Variants in YIPF4 observed in about 807,000 individuals in gnomAD.
YIPF4 encodes the protein Yip1 domain family member 4, also known as protein YIPF4.
Under a neutral mutation model 29.4 loss-of-function variants are expected in YIPF4, and 18 were observed. The observed-to-expected ratio is 0.61, with a 90% CI of 0.42 to 0.91. The LOEUF is 0.91. Ranked by LOEUF, YIPF4 falls within the 40% of genes least tolerant of loss-of-function variation. YIPF4 has a pLI of 0.00. For synonymous variants in YIPF4, 115 were observed against 104.7 expected, an observed-to-expected ratio of 1.10 and a Z score of -0.60; for missense variants, 279 against 282.7, an observed-to-expected ratio of 0.99 and a Z score of 0.09.
intron 1 of YIPF4, among the ~76,000 whole-genome samples, chr2:32,279,678 G>C (rs1039991592): frequency 1.5e-4 from 22 of 151,412 alleles, no homozygotes; most frequent in Non-Finnish European, 5.9e-5. Context: ...CAAAGTGCTG[G>C]GATTACAGGC....
In YIPF4 at chr2:32,315,593, T is replaced by A. The variant is rs927364551; in HGVS notation, c.*9967T>A. ...TGAAACCCCGTCTCTACTAAACATA[T>A]AAAAAATTAGCCGGGCTTGGTGGCG... On this transcript the variant is annotated 3_prime_UTR_variant, in exon 6 of 6. Transcript: ENST00000238831. 1 of 151,602 alleles carries A rather than the reference T, an allele frequency of 6.6e-6. No homozygotes were observed. The highest frequency in any genetic ancestry group is 1.5e-5 in the Non-Finnish European group (1 of 67,964). 9.4% of individuals were successfully genotyped at this position (151,602 alleles called of 1,614,324 possible).
In YIPF4 at chr2:32,305,655, G is replaced by C. The variant is rs2031556844; in HGVS notation, c.*29G>C. ...AAGTTATACATGAATAGAAAAAGAT[G>C]GTGTTAAATTTGTGTGTAGGCTGGG... On this transcript the variant is annotated 3_prime_UTR_variant, in exon 6 of 6. Coordinates refer to ENST00000238831, the MANE Select transcript of YIPF4 (RefSeq NM_032312.4). 1 of 1,506,896 alleles carries C rather than the reference G, an allele frequency of 6.6e-7. No homozygotes were observed. The highest frequency in any genetic ancestry group is 8.9e-7 in the Non-Finnish European group (1 of 1,129,278). 93.3% of individuals were successfully genotyped at this position (1,506,896 alleles called of 1,614,324 possible). A position where few individuals can be genotyped will look rare whatever the true frequency, so the allele number is the denominator to read the frequency against.
At chr2:32,292,896 A>G (rs1437324092) in intron 3 of YIPF4, among the ~76,000 whole-genome samples, 8 of 148,532 alleles carry the variant, frequency 5.4e-5, no homozygotes, top group Non-Finnish European at 8.9e-5. Context: ...AAATATTAGT[A>G]TTTGTATGGC....
At chr2:32,302,567 A>G (rs1445077075) in intron 5 of YIPF4, among the ~76,000 whole-genome samples, 2 of 152,192 alleles carry the variant, frequency 1.3e-5, no homozygotes, top group Non-Finnish European at 2.9e-5. Flanking sequence ...TTAAATCAAC[A>G]TATATACATA....
chr2:32,286,891 C>T (rs916731524), intron 1 of YIPF4, among the ~76,000 whole-genome samples: 2 of 152,160 alleles, frequency 1.3e-5, no homozygotes, highest in African/African-American at 4.8e-5. Flanking sequence ...CTAGCAGTTA[C>T]AAGATTATGC....
chr2:32,305,337 A>C (rs2031539402), intron 5 of YIPF4, 152 bp from the exon 6 acceptor site: 2 of 883,984 alleles, frequency 2.3e-6, no homozygotes, highest in Admixed American at 7.3e-5. Context: ...ATTCTTAATA[A>C]GTTTTTAACA....
chr2:32,302,106 C>T (rs2031426343), intron 5 of YIPF4, among the ~76,000 whole-genome samples: 1 of 151,106 alleles, frequency 6.6e-6, no homozygotes, highest in African/African-American at 2.4e-5. Flanking sequence ...TCTCAGCTCA[C>T]TGTAACCTCT....
chr2:32,297,623 A>G (rs1219313876), intron 3 of YIPF4, among the ~76,000 whole-genome samples: 2 of 151,948 alleles, frequency 1.3e-5, no homozygotes, highest in East Asian at 3.9e-4. Context: ...TAAGTACATG[A>G]CCAAATAACA....
At chr2:32,288,857 C>T (rs1479556363) in intron 1 of YIPF4, among the ~76,000 whole-genome samples, 2 of 152,018 alleles carry the variant, frequency 1.3e-5, no homozygotes, top group Non-Finnish European at 2.9e-5. Flanking sequence ...GTAATCCCAA[C>T]TCAGGAGGCT....
At chr2:32,303,191 A>G (rs1297750520) in intron 5 of YIPF4, among the ~76,000 whole-genome samples, 3 of 152,266 alleles carry the variant, frequency 2.0e-5, no homozygotes, top group Non-Finnish European at 2.9e-5. Flanking sequence ...CAACGTGGCG[A>G]AACTCCATCT....
chr2:32,307,091 T>C lies in YIPF4; in HGVS notation c.*1465T>C. On this transcript the variant is annotated 3_prime_UTR_variant, in exon 6 of 6. Coordinates refer to ENST00000238831, the MANE Select transcript of YIPF4 (RefSeq NM_032312.4). ...ATGTAGAAAATTACATGTACTGATT[T>C]TTTTAAAAACAGGTGAGAAGCACCA... 1 of 1,290,936 alleles carries C rather than the reference T, an allele frequency of 7.7e-7. No individual in the cohort carries two copies. The highest frequency in any genetic ancestry group is 1.5e-5 in the African/African-American group (1 of 64,988). The allele number at this position is 1,290,936 out of a possible 1,614,324, so 80.0% of individuals were successfully genotyped here.
At chr2:32,288,377 GATTAAGGACTTTA>G (rs1422172662) in intron 1 of YIPF4, among the ~76,000 whole-genome samples, 2 of 152,042 alleles carry the variant, frequency 1.3e-5, no homozygotes, top group African/African-American at 2.4e-5. Context: ...TTTTGGTTTA[GATTAAGGACTTTA>G]AGTACAGTCC....
Position 32,306,044 on chromosome 2 carries a change from T to C in YIPF4, c.*418T>C, listed in dbSNP as rs1189461536. The C allele has an allele frequency of 1.9e-5, 16 of 840,042 alleles. No homozygotes were observed. The highest frequency in any genetic ancestry group is 6.2e-5 in the Admixed American group (1 of 16,022). 52.0% of individuals were successfully genotyped at this position (840,042 alleles called of 1,614,324 possible). A position where few individuals can be genotyped will look rare whatever the true frequency, so the allele number is the denominator to read the frequency against. On this transcript the variant is annotated 3_prime_UTR_variant, in exon 6 of 6. Coordinates refer to ENST00000238831, the MANE Select transcript of YIPF4 (RefSeq NM_032312.4). ...TCCAGCATCACAGATCCTGCAGATA[T>C]ATATTTATATTTATACATATATATT...
chr2:32,287,312 CAT>C (rs922902572), intron 1 of YIPF4, among the ~76,000 whole-genome samples: 9 of 152,092 alleles, frequency 5.9e-5, no homozygotes, highest in African/African-American at 9.7e-5. Context: ...AGTGCAAAAA[CAT>C]ATGCTTGTTT....
In YIPF4 at chr2:32,307,940, A is replaced by G. The variant is rs558768707; in HGVS notation, c.*2314A>G. ...AGCAAGACTCTCTCAAAAAAAAAAA[A>G]AAAAAAAAAAAAAACCATGATTTGT... On this transcript the variant is annotated 3_prime_UTR_variant, in exon 6 of 6. Transcript: ENST00000238831. 1 of 151,180 alleles carries G rather than the reference A, an allele frequency of 6.6e-6. No individual in the cohort carries two copies. The highest frequency in any genetic ancestry group is 2.4e-5 in the African/African-American group (1 of 41,174). The allele number at this position is 151,180 out of a possible 1,614,324, so 9.4% of individuals were successfully genotyped here. A position where few individuals can be genotyped will look rare whatever the true frequency, so the allele number is the denominator to read the frequency against.
Position 32,305,908 on chromosome 2 carries a change from C to G in YIPF4, c.*282C>G. 9.6e-7 allele frequency: 1 copy of G among 1,039,348 alleles called. No individual in the cohort carries two copies. Among genetic ancestry groups the G allele is most frequent in the Non-Finnish European group, 1.2e-6 (1 of 866,056 alleles). 64.4% of individuals were successfully genotyped at this position (1,039,348 alleles called of 1,614,324 possible). On this transcript the variant is annotated 3_prime_UTR_variant, in exon 6 of 6. Transcript: ENST00000238831. ...TTTTTAAGATTGTGTCGATATTCAC[C>G]TAAAAACTTGTGCCAAAAGCACCTG...
rs999847140 is a variant in YIPF4, at chr2:32,299,100, A to T, written c.483+789A>T. Among the ~76,000 whole-genome samples, 6 of 151,928 alleles carry T rather than the reference A, an allele frequency of 3.9e-5. No homozygotes were observed. The South Asian group carries it at 1.3e-3, about 32-fold the overall frequency. Reference sequence around the variant, plus strand: ...ACCATGTTGGTCAAGCTGGTCTCAAACTCCCGATCTCAAGTGATCTGCCTC... The same window carrying T: ...ACCATGTTGGTCAAGCTGGTCTCAATCTCCCGATCTCAAGTGATCTGCCTC... On this transcript the variant is annotated intron_variant, in intron 4 of 5. Transcript: ENST00000238831.
In YIPF4 at chr2:32,277,914, T is replaced by C; in HGVS notation, c.-242T>C. ...AATCCCAGCGCCGCTGTCACTGTTA[T>C]GGTCCTGTCAGGGTGCCGGCGTCGT... On this transcript the variant is annotated 5_prime_UTR_variant, in exon 1 of 6. The change abolishes an upstream ATG in the 5' untranslated region. Coordinates refer to ENST00000238831, the MANE Select transcript of YIPF4 (RefSeq NM_032312.4). The C allele has an allele frequency of 1.9e-6, 1 of 514,732 alleles. No homozygotes were observed. The highest frequency in any genetic ancestry group is 3.4e-6 in the Non-Finnish European group (1 of 292,772). The allele number at this position is 514,732 out of a possible 1,614,324, so 31.9% of individuals were successfully genotyped here.
intron 2 of YIPF4, among the ~76,000 whole-genome samples, chr2:32,291,709 C>G (rs1056799498): frequency 5.3e-5 from 8 of 152,054 alleles, no homozygotes; most frequent in Admixed American, 5.2e-4. Context: ...AGAAATAACC[C>G]ACAACACAAA....
Sources: allele counts gnomAD v4.1 joint callset (sites outside exome capture counted in the v4.1 genomes callset), GRCh38; gene constraint gnomAD v4.1.1; transcripts MANE v1.5; gene names NCBI Gene and HGNC (gene_info 2026-07-23, HGNC 2026-07-21).